CASD1: variants seen among roughly 807,000 people sequenced by gnomAD.
CASD1 encodes the protein N-acetylneuraminate (7)9-O-acetyltransferase.
A neutral mutation model predicts 100.0 loss-of-function variants in CASD1; 41 were observed. The ratio of observed to expected loss-of-function variants is 0.41; its 90% CI spans 0.32 to 0.53. The LOEUF is 0.53. Ranked by LOEUF, CASD1 falls within the 20% of genes least tolerant of loss-of-function variation. The probability of loss-of-function intolerance (pLI) is 0.25; values close to 1 mark genes in which losing one functional copy is unlikely to be tolerated. For missense variants in CASD1, 774 were observed against 948.7 expected, an observed-to-expected ratio of 0.82 and a Z score of 2.42; for synonymous variants, 321 against 315.6, an observed-to-expected ratio of 1.02 and a Z score of -0.18.
chr7:94,528,296 C>G (rs1196271931), intron 5 of CASD1, 46 bp downstream of exon 5: 2 of 1,307,160 alleles, frequency 1.5e-6, no homozygotes, highest in Non-Finnish European at 2.1e-6. Context: ...TATTTTTATT[C>G]CCTTTACACA....
Position 94,544,234 on chromosome 7 carries a change from C to G in CASD1, c.1357-177C>G, listed in dbSNP as rs369002155. Among the ~76,000 whole-genome samples the G allele has an allele frequency of 1.1e-3, 162 of 152,280 alleles. 1 individual carries two copies. The highest frequency in any genetic ancestry group is 3.6e-3 in the African/African-American group (149 of 41,558). On this transcript the variant is annotated intron_variant, in intron 10 of 17. Coordinates refer to ENST00000297273, the MANE Select transcript of CASD1 (RefSeq NM_022900.5). ...ATTTGAAGCTAGGTCTCTCCAATTC[C>G]AGTTCTACATTTTTGTAATCCTTGC... is the stretch of plus-strand genomic sequence containing the variant.
chr7:94,537,996 GGT>G, intron 9 of CASD1, 102 bp downstream of exon 9: 1 of 695,940 alleles, frequency 1.4e-6, no homozygotes, highest in East Asian at 2.7e-5. Flanking sequence ...TACACAAACA[GGT>G]ATAGAGATGA....
chr7:94,601,755 A>T, the CASD1 span, among the ~76,000 whole-genome samples: 1 of 152,250 alleles, frequency 6.6e-6, no homozygotes, highest in African/African-American at 2.4e-5. Context: ...CCTCCTTTTT[A>T]AAAATGAGAA....
At chr7:94,604,851 A>ATATATATATT in the CASD1 span, among the ~76,000 whole-genome samples, 1 of 102,488 alleles carries the variant, frequency 9.8e-6, no homozygotes, top group East Asian at 3.1e-4. Context: ...ATATATATAT[A>ATATATATATT]TATATATAAT....
At chr7:94,543,545 C>G (rs1795523329) in intron 10 of CASD1, among the ~76,000 whole-genome samples, 1 of 151,862 alleles carries the variant, frequency 6.6e-6, no homozygotes, top group Non-Finnish European at 1.5e-5. Context: ...GTCCCAGCTA[C>G]TTGGGAGGCT....
At chr7:94,552,189 C>A in intron 15 of CASD1, 161 bp from the exon 16 acceptor site, 1 of 592,864 alleles carries the variant, frequency 1.7e-6, no homozygotes. Context: ...CATACCAAAA[C>A]AGGTGATGAG....
the CASD1 span, chr7:94,599,156 T>C: frequency 1.8e-6 from 1 of 544,394 alleles, no homozygotes; most frequent in Admixed American, 3.3e-5. Flanking sequence ...CTGAAAATTA[T>C]AAACTGATTT....
rs1371720212 is a variant in CASD1, at chr7:94,545,666, C to A, written c.1598C>A (p.Ala533Glu). 4 of 1,604,020 alleles carry A rather than the reference C, an allele frequency of 2.5e-6. No individual in the cohort carries two copies. The highest frequency in any genetic ancestry group is 3.4e-6 in the Non-Finnish European group (4 of 1,174,186). ...VWFMVIYVTL[A>E]LWPQIIQKKA... ...TTCATGGTCATATATGTTACTTTAG[C>A]ACTATGGCCACAAATAATCCAAAAA... The change falls in exon 12 of 18, where the codon GCA (alanine) becomes GAA (glutamate). Residue 533 changes from alanine (A) to glutamate (E), a missense_variant. Transcript: ENST00000297273.
In CASD1 at chr7:94,553,146, C is replaced by A. The variant is rs544378769; in HGVS notation, c.2034+719C>A. The A allele has an allele frequency of 2.3e-4, 112 of 483,754 alleles. 1 individual carries two copies. The highest frequency in any genetic ancestry group is 1.9e-3 in the African/African-American group (94 of 50,162). The allele number at this position is 483,754 out of a possible 1,614,324, so 30.0% of individuals were successfully genotyped here. On this transcript the variant is annotated intron_variant, in intron 16 of 17. Coordinates refer to ENST00000297273, the MANE Select transcript of CASD1 (RefSeq NM_022900.5). ...TTAGGTCTCACATTCATGATTTTCA[C>A]CACTCTGTATATCACTTATACTATT... is the stretch of plus-strand genomic sequence containing the variant.
the CASD1 span, among the ~76,000 whole-genome samples, chr7:94,582,328 G>A: frequency 1.3e-5 from 2 of 152,270 alleles, no homozygotes; most frequent in Admixed American, 1.3e-4. Context: ...ATGTCGGCCA[G>A]GCTGGTCTTG....
At chr7:94,547,465 C>CA (rs1200473315) in intron 13 of CASD1, among the ~76,000 whole-genome samples, 2 of 151,864 alleles carry the variant, frequency 1.3e-5, no homozygotes, top group Non-Finnish European at 2.9e-5. Flanking sequence ...TCTTATAAGA[C>CA]ACTAGTCTAA....
At chr7:94,560,936 A>G (rs1199718247), downstream of CASD1, among the ~76,000 whole-genome samples, 1 of 152,224 alleles carries the variant, frequency 6.6e-6, no homozygotes, top group African/African-American at 2.4e-5. Context: ...TGCTACATCT[A>G]TTACGTGAAA....
At chr7:94,527,383 G>C (rs1794628904) in intron 4 of CASD1, among the ~76,000 whole-genome samples, 177 bp downstream of exon 4, 1 of 152,170 alleles carries the variant, frequency 6.6e-6, no homozygotes, top group Admixed American at 6.5e-5. Flanking sequence ...TATTTGGAAA[G>C]AATAATCTTG....
At chr7:94,514,518 A>G (rs1169440712) in intron 1 of CASD1, among the ~76,000 whole-genome samples, 1 of 152,174 alleles carries the variant, frequency 6.6e-6, no homozygotes, top group Non-Finnish European at 1.5e-5. Context: ...CTTCAAAGGA[A>G]AACATAAGTT....
the CASD1 span, chr7:94,603,535 G>C: frequency 4.2e-5 from 57 of 1,356,456 alleles, no homozygotes; most frequent in Non-Finnish European, 5.6e-5. Context: ...GCAGGATTTA[G>C]CCTTTTGAAT....
intron 1 of CASD1, among the ~76,000 whole-genome samples, chr7:94,515,604 A>G (rs1793939545): frequency 6.6e-6 from 1 of 152,098 alleles, no homozygotes; most frequent in Admixed American, 6.5e-5. Flanking sequence ...CCATCTCTAT[A>G]AAAACATACC....
intron 17 of CASD1, 80 bp from the exon 18 acceptor site, chr7:94,555,412 C>A: frequency 1.4e-6 from 2 of 1,385,534 alleles, no homozygotes; most frequent in South Asian, 2.7e-5. Flanking sequence ...ATTATGCAAC[C>A]AAATTGTTTA....
rs967076373 is a variant in CASD1 at position 94,551,190 on chromosome 7, G to C, written c.1816-148G>C. On this transcript the variant is annotated intron_variant, in intron 14 of 17. Coordinates refer to ENST00000297273, the MANE Select transcript of CASD1 (RefSeq NM_022900.5). Reference sequence around the variant, plus strand: ...CATCGGCTTTATTTCATTTCTTGAAGTTTCACTCTTGAAGTCCTTCATAGA... The same window carrying C: ...CATCGGCTTTATTTCATTTCTTGAACTTTCACTCTTGAAGTCCTTCATAGA... The C allele has an allele frequency of 8.5e-6, 4 of 469,618 alleles. No homozygotes were observed. The East Asian group carries it at 1.5e-4, about 18-fold the overall frequency. The allele number at this position is 469,618 out of a possible 1,614,324, so 29.1% of individuals were successfully genotyped here. A position where few individuals can be genotyped will look rare whatever the true frequency, so the allele number is the denominator to read the frequency against.
chr7:94,515,047 T>G (rs1169498822), intron 1 of CASD1, among the ~76,000 whole-genome samples: 2 of 152,188 alleles, frequency 1.3e-5, no homozygotes, highest in African/African-American at 4.8e-5. Flanking sequence ...TTTAATCAGG[T>G]TATAATAGTA....
Sources: allele counts gnomAD v4.1 joint callset (sites outside exome capture counted in the v4.1 genomes callset), GRCh38; gene constraint gnomAD v4.1.1; transcripts MANE v1.5; gene names NCBI Gene and HGNC (gene_info 2026-07-23, HGNC 2026-07-21).